TAFA1: variants seen among roughly 807,000 people sequenced by gnomAD.
TAFA1 encodes TAFA chemokine like family member 1.
Under a neutral mutation model 18.5 loss-of-function variants are expected in TAFA1, and 4 were observed. The ratio of observed to expected loss-of-function variants is 0.22; its 90% confidence interval spans 0.11 to 0.49. TAFA1 has a LOEUF of 0.49. Among genes scored for constraint, TAFA1 ranks in the 20% least tolerant of loss-of-function variants. TAFA1 has a pLI of 0.98. For synonymous variants in TAFA1, 56 were observed against 55.2 expected (o/e 1.01, Z -0.06); for missense variants, 147 against 169.0 (o/e 0.87, Z 0.72).
chr3:68,051,421 C>T (rs534007768), intron 2 of TAFA1, among the ~76,000 whole-genome samples: 3 of 152,046 alleles, frequency 2.0e-5, no homozygotes, highest in East Asian at 1.9e-4. Flanking sequence ...TGGTTATTAA[C>T]CAGGGGCAAT....
At chr3:68,365,996 AATC>A (rs2069563243) in intron 2 of TAFA1, among the ~76,000 whole-genome samples, 1 of 151,030 alleles carries the variant, frequency 6.6e-6, no homozygotes, top group South Asian at 2.1e-4. Flanking sequence ...GAGGCAGGAG[AATC>A]ACTTGAACCC....
Position 68,135,662 on chromosome 3 carries a change from C to T in TAFA1, c.118+128918C>T, listed in dbSNP as rs137970828. On this transcript the variant is annotated intron_variant, in intron 2 of 4. Transcript: ENST00000478136. ...ACAATAGATGCTTAAGAAATATCAG[C>T]GGTATTTTTTGTATGCTCAAAGTTG... is the stretch of plus-strand genomic sequence containing the variant. 1.8e-4 allele frequency among the ~76,000 whole-genome samples: 27 copies of T among 152,282 alleles called. No homozygotes were observed. The East Asian group carries it at 3.5e-3, about 20-fold the overall frequency.
intron 2 of TAFA1, among the ~76,000 whole-genome samples, chr3:68,041,050 A>G (rs1246568547): frequency 6.6e-6 from 1 of 152,184 alleles, no homozygotes; most frequent in East Asian, 1.9e-4. Flanking sequence ...TCTGCCAAAC[A>G]TCAAAGATTA....
At chr3:68,200,597 G>A (rs2066459530) in intron 2 of TAFA1, among the ~76,000 whole-genome samples, 1 of 151,510 alleles carries the variant, frequency 6.6e-6, no homozygotes, top group Admixed American at 6.6e-5. Flanking sequence ...CGTTTCATCT[G>A]TTATTAAATT....
At chr3:68,205,476 C>G (rs774927110) in intron 2 of TAFA1, among the ~76,000 whole-genome samples, 4 of 151,858 alleles carry the variant, frequency 2.6e-5, no homozygotes, top group Non-Finnish European at 5.9e-5. Flanking sequence ...CAAATTCTCT[C>G]GGTCCCACTT....
chr3:68,203,570 T>C (rs1217997954), intron 2 of TAFA1, among the ~76,000 whole-genome samples: 1 of 151,746 alleles, frequency 6.6e-6, no homozygotes, highest in African/African-American at 2.4e-5. Flanking sequence ...AAGTGTCCTA[T>C]GATTGGGTTT....
chr3:68,277,362 G>A (rs571922854), intron 2 of TAFA1, among the ~76,000 whole-genome samples: 12 of 152,136 alleles, frequency 7.9e-5, no homozygotes, highest in African/African-American at 2.9e-4. Context: ...TACTTCTATC[G>A]ATTACTCAGG....
chr3:68,499,870 T>C (rs2072627687), intron 3 of TAFA1, among the ~76,000 whole-genome samples: 1 of 151,094 alleles, frequency 6.6e-6, no homozygotes. Context: ...CCTTTTTTTT[T>C]TTTTTTTTAA....
At chr3:68,118,670 T>C (rs774500950) in intron 2 of TAFA1, among the ~76,000 whole-genome samples, 1 of 152,226 alleles carries the variant, frequency 6.6e-6, no homozygotes, top group Non-Finnish European at 1.5e-5. Flanking sequence ...CATAATGTAC[T>C]CAAGATTCAT....
intron 2 of TAFA1, among the ~76,000 whole-genome samples, chr3:68,264,127 G>A (rs1253500432): frequency 1.3e-5 from 2 of 151,958 alleles, no homozygotes; most frequent in African/African-American, 2.4e-5. Context: ...AAAATTAGCC[G>A]GGCATGGTGG....
In TAFA1 at chr3:68,095,935, T is replaced by C. The variant is rs537008863; in HGVS notation, c.118+89191T>C. On this transcript the variant is annotated intron_variant, in intron 2 of 4. Transcript: ENST00000478136. Reference sequence around the variant, plus strand: ...GATAGGCTATCCATCACCAGAAGCATTTATCATTTCTATGTGTCGGGAACA... The same window carrying C: ...GATAGGCTATCCATCACCAGAAGCACTTATCATTTCTATGTGTCGGGAACA... Among the ~76,000 whole-genome samples the C allele has an allele frequency of 9.2e-4, 140 of 152,230 alleles. 1 individual carries two copies. The highest frequency in any genetic ancestry group is 5.8e-3 in the South Asian group (28 of 4,826).
intron 3 of TAFA1, among the ~76,000 whole-genome samples, chr3:68,484,619 G>A (rs2072303827): frequency 6.6e-6 from 1 of 152,130 alleles, no homozygotes; most frequent in African/African-American, 2.4e-5. Context: ...GAGGAGTTTG[G>A]GTTTAGATAT....
chr3:68,181,378 C>CAAA (rs572609783), intron 2 of TAFA1, among the ~76,000 whole-genome samples: 40 of 80,238 alleles, frequency 5.0e-4, no homozygotes, highest in Middle Eastern at 0.019. Context: ...CTAGAACATA[C>CAAA]AAAAAAAAAA....
At chr3:68,169,812 T>C (rs904983359) in intron 2 of TAFA1, among the ~76,000 whole-genome samples, 2 of 152,144 alleles carry the variant, frequency 1.3e-5, no homozygotes, top group Admixed American at 1.3e-4. Context: ...TTGTAGCAAA[T>C]GTTTAAAAGA....
chr3:68,267,202 T>C (rs1451206140), intron 2 of TAFA1, among the ~76,000 whole-genome samples: 1 of 152,204 alleles, frequency 6.6e-6, no homozygotes, highest in East Asian at 1.9e-4. Flanking sequence ...TTCCACACTG[T>C]GGACATACAT....
chr3:68,514,548 AATAT>A (rs2072893871), intron 3 of TAFA1, among the ~76,000 whole-genome samples: 1 of 152,060 alleles, frequency 6.6e-6, no homozygotes, highest in South Asian at 2.1e-4. Context: ...CTGGCCATGA[AATAT>A]AAGGCCAAGG....
intron 2 of TAFA1, among the ~76,000 whole-genome samples, chr3:68,363,557 A>G (rs1369445643): frequency 2.0e-5 from 3 of 152,198 alleles, no homozygotes; most frequent in Non-Finnish European, 4.4e-5. Flanking sequence ...TCTTTAGGGT[A>G]TCTTGCCCTA....
intron 2 of TAFA1, among the ~76,000 whole-genome samples, chr3:68,281,009 T>C (rs77157723): frequency 6.6e-6 from 1 of 152,192 alleles, no homozygotes; most frequent in South Asian, 2.1e-4. Context: ...ACAGTATTTA[T>C]AATAGTGTTC....
chr3:68,250,130 C>T (rs905480399), intron 2 of TAFA1, among the ~76,000 whole-genome samples: 3 of 152,040 alleles, frequency 2.0e-5, no homozygotes, highest in African/African-American at 7.3e-5. Context: ...TAGCTTTGTC[C>T]CCGCCTCATC....
Sources: gnomAD v4.1 joint callset for allele counts (sites outside exome capture counted in the v4.1 genomes callset) on GRCh38, gnomAD v4.1.1 for gene constraint, MANE v1.5 for transcripts, NCBI Gene and HGNC (gene_info 2026-07-23, HGNC 2026-07-21) for gene names.